ANKRD54: variants seen among roughly 807,000 people sequenced by gnomAD.
ANKRD54 encodes the protein ankyrin repeat domain 54.
Under a neutral mutation model 36.2 loss-of-function variants are expected in ANKRD54, and 26 were observed. The ratio of observed to expected loss-of-function variants is 0.72; its 90% CI spans 0.53 to 1.00. The LOEUF (loss-of-function observed/expected upper bound fraction) is 1.00. Ranked by LOEUF, ANKRD54 falls within the 50% of genes least tolerant of loss-of-function variation. The pLI is 0.00. For missense variants in ANKRD54, 384 were observed against 424.3 expected, an observed-to-expected ratio of 0.91 and a Z score of 0.83; for synonymous variants, 209 against 188.4, an observed-to-expected ratio of 1.11 and a Z score of -0.89.
At chr22:37,843,647 G>A (rs1924562290) in intron 1 of ANKRD54, 1 of 256,200 alleles carries the variant, frequency 3.9e-6, no homozygotes, top group Non-Finnish European at 7.3e-6. Context: ...TAAGCGTTCC[G>A]AGTCATGGGA....
chr22:37,836,047 G>T (rs1168662463), intron 3 of ANKRD54, among the ~76,000 whole-genome samples: 1 of 151,688 alleles, frequency 6.6e-6, no homozygotes, highest in Admixed American at 6.6e-5. Context: ...TGTTAGCCAG[G>T]ATGGTCTCGA....
intron 1 of ANKRD54, among the ~76,000 whole-genome samples, chr22:37,840,568 AAAC>A (rs1924104699): frequency 7.0e-6 from 1 of 143,824 alleles, no homozygotes; most frequent in African/African-American, 2.6e-5. Flanking sequence ...CAAAACAAAC[AAAC>A]AAACAAACAC....
chr22:37,841,531 A>AACAC lies in ANKRD54; in HGVS notation c.329-1301_329-1298dup, dbSNP rs754859182. On this transcript the variant is annotated intron_variant, in intron 1 of 7. Coordinates refer to ENST00000215941, the MANE Select transcript of ANKRD54 (RefSeq NM_138797.4). ...ACAGAGTGAGACTCTGTCTCACACA[A>AACAC]ACACACACACACACACACACACACA... Among the ~76,000 whole-genome samples, 170 of 141,034 alleles carry AACAC rather than the reference A, an allele frequency of 1.2e-3. 1 individual carries two copies. In the East Asian group the frequency reaches 0.016, roughly 13 times the overall value. 92.5% of individuals were successfully genotyped at this position (141,034 alleles called of 152,430 possible).
At chr22:37,846,143 C>G (rs1924832717), upstream of ANKRD54, among the ~76,000 whole-genome samples, 1 of 152,048 alleles carries the variant, frequency 6.6e-6, no homozygotes, top group African/African-American at 2.4e-5. Flanking sequence ...CCACTGCACT[C>G]CAGTCTGGGC....
intron 1 of ANKRD54, among the ~76,000 whole-genome samples, chr22:37,840,909 A>C (rs1269253142): frequency 6.6e-6 from 1 of 151,760 alleles, no homozygotes; most frequent in Non-Finnish European, 1.5e-5. Context: ...AAACAACAAA[A>C]ACCAACAAAA....
Position 37,839,427 on chromosome 22 carries a change from G to A in ANKRD54, c.376+760C>T, listed in dbSNP as rs770270791. Among the ~76,000 whole-genome samples, 22 of 151,886 alleles carry A rather than the reference G, an allele frequency of 1.4e-4. No individual in the cohort carries two copies. In the East Asian group the frequency reaches 1.6e-3, roughly 11 times the overall value. The stretch of plus-strand genomic sequence containing the variant: ...ATTTGAGACAGAATTTCGCTCTGTC[G>A]CGCAGGCTAGAGTGCAGTGGCGTCA... On this transcript the variant is annotated intron_variant, in intron 2 of 7. Transcript: ENST00000215941.
rs564567309 is a variant in ANKRD54 at position 37,844,293 on chromosome 22, G to C, written c.-55C>G. The C allele has an allele frequency of 3.9e-6, 6 of 1,526,922 alleles. No homozygotes were observed. The highest frequency in any genetic ancestry group is 5.2e-5 in the East Asian group (2 of 38,340). 94.6% of individuals were successfully genotyped at this position (1,526,922 alleles called of 1,614,324 possible). Reference sequence around the variant, plus strand: ...TGAGCCTCGTTCCCGACCGACCAACGGACCTACTTCCCTCCGCCCTGAGTC... The same window carrying C: ...TGAGCCTCGTTCCCGACCGACCAACCGACCTACTTCCCTCCGCCCTGAGTC... On this transcript the variant is annotated 5_prime_UTR_variant, in exon 1 of 8. Coordinates refer to ENST00000215941, the MANE Select transcript of ANKRD54 (RefSeq NM_138797.4).
In ANKRD54 at chr22:37,830,885, A is replaced by G. The variant is rs1922799431; in HGVS notation, c.*1058T>C. The G allele has an allele frequency of 6.6e-6, 1 of 152,234 alleles. No individual in the cohort carries two copies. Among genetic ancestry groups the G allele is most frequent in the African/African-American group, 2.4e-5 (1 of 41,460 alleles). The allele number at this position is 152,234 out of a possible 1,614,324, so 9.4% of individuals were successfully genotyped here. A position where few individuals can be genotyped will look rare whatever the true frequency, so the allele number is the denominator to read the frequency against. Reference sequence around the variant, plus strand: ...TAAAACAACACAAATTTATTCCCTTAGAGTTCTAAAATCAGCCAGAATTAT... The same window carrying G: ...TAAAACAACACAAATTTATTCCCTTGGAGTTCTAAAATCAGCCAGAATTAT... On this transcript the variant is annotated 3_prime_UTR_variant, in exon 8 of 8. Transcript: ENST00000215941.
At chr22:37,832,904 C>T in intron 6 of ANKRD54, 54 bp downstream of exon 6, 4 of 1,608,714 alleles carry the variant, frequency 2.5e-6, no homozygotes, top group Non-Finnish European at 3.4e-6. Context: ...GTTAGGGCAG[C>T]ATCTGTCCAG....
intron 7 of ANKRD54, 151 bp from the exon 8 acceptor site, chr22:37,832,168 T>C: frequency 1.4e-6 from 1 of 733,810 alleles, no homozygotes; most frequent in Non-Finnish European, 2.2e-6. Context: ...TGACCAAGGG[T>C]CAATCTTTGA....
chr22:37,839,837 T>C (rs1281063508), intron 2 of ANKRD54, among the ~76,000 whole-genome samples: 1 of 152,144 alleles, frequency 6.6e-6, no homozygotes, highest in African/African-American at 2.4e-5. Flanking sequence ...CTAAGTTGAG[T>C]ATTCACTCCC....
Position 37,833,028 on chromosome 22 carries a change from T to G in ANKRD54, c.650A>C (p.Lys217Thr). The G allele has an allele frequency of 1.9e-6, 3 of 1,614,162 alleles. No homozygotes were observed. Among genetic ancestry groups the G allele is most frequent in the Non-Finnish European group, 2.5e-6 (3 of 1,180,038 alleles). The change falls in exon 6 of 8, where the codon AAG becomes ACG. Residue 217 changes from lysine to threonine, a missense_variant. This residue lies in a region of ANKRD54 where 179 missense variants were observed against 224.0 expected (regional missense o/e 0.80). Coordinates refer to ENST00000215941, the MANE Select transcript of ANKRD54 (RefSeq NM_138797.4). ...RAGRTPLHLA[K>T]SKLNILQEGH... Reference sequence around the variant, plus strand: ...CTCCTGCAGGATATTCAGCTTTGACTTGGCCAGGTGCAGGGGTGTGCGACC... The same window carrying G: ...CTCCTGCAGGATATTCAGCTTTGACGTGGCCAGGTGCAGGGGTGTGCGACC...
chr22:37,836,939 G>A (rs976354973), intron 3 of ANKRD54, among the ~76,000 whole-genome samples: 3 of 148,982 alleles, frequency 2.0e-5, no homozygotes, highest in Non-Finnish European at 4.4e-5. Flanking sequence ...TGAAGCAGGA[G>A]AATTACTCAA....
upstream of ANKRD54, chr22:37,847,859 G>A (rs1468444379): frequency 2.8e-6 from 1 of 351,570 alleles, no homozygotes; most frequent in Admixed American, 4.1e-5. Flanking sequence ...GCAGCATAGG[G>A]AGTTGGGGCT....
At chr22:37,842,070 T>C (rs1924345413) in intron 1 of ANKRD54, among the ~76,000 whole-genome samples, 1 of 150,838 alleles carries the variant, frequency 6.6e-6, no homozygotes, top group Non-Finnish European at 1.5e-5. Context: ...TATTTCTCAA[T>C]CTTAGGTTAA....
At chr22:37,844,949 G>A (rs1000251975), upstream of ANKRD54, among the ~76,000 whole-genome samples, 1 of 149,066 alleles carries the variant, frequency 6.7e-6, no homozygotes, top group Non-Finnish European at 1.5e-5. Flanking sequence ...AAGATGATTT[G>A]CAGGCACTCA....
At chr22:37,836,138 C>T (rs1379674916) in intron 3 of ANKRD54, among the ~76,000 whole-genome samples, 1 of 148,314 alleles carries the variant, frequency 6.7e-6, no homozygotes, top group African/African-American at 2.5e-5. Flanking sequence ...CCAGGCAAAA[C>T]TTGTTTTTAA....
chr22:37,842,685 C>T (rs1924426840), intron 1 of ANKRD54, among the ~76,000 whole-genome samples: 1 of 152,172 alleles, frequency 6.6e-6, no homozygotes, highest in Non-Finnish European at 1.5e-5. Context: ...CATGACAATT[C>T]CTTGCTTTCA....
At chr22:37,839,175 C>T (rs917405217) in intron 2 of ANKRD54, among the ~76,000 whole-genome samples, 3 of 150,450 alleles carry the variant, frequency 2.0e-5, no homozygotes, top group Admixed American at 1.3e-4. Context: ...ACACCCGGCC[C>T]GAAAAAATGT....
Sources: allele counts gnomAD v4.1 joint callset (sites outside exome capture counted in the v4.1 genomes callset), GRCh38; gene constraint gnomAD v4.1.1; regional missense constraint gnomAD v4.1.1; transcripts MANE v1.5; gene names NCBI Gene and HGNC (gene_info 2026-07-23, HGNC 2026-07-21).